The following MTPN variants were observed in gnomAD, a reference collection of about 807,000 sequenced individuals.
MTPN encodes granule cell differentiation protein.
A neutral mutation model predicts 13.5 loss-of-function variants in MTPN; 2 were observed. That is an observed-to-expected ratio of 0.15 (90% CI 0.06 to 0.47). The LOEUF (loss-of-function observed/expected upper bound fraction) is 0.47, where lower values mean the gene tolerates loss of function less well. Among genes scored for constraint, MTPN ranks in the 20% least tolerant of loss-of-function variants. The pLI, the probability that MTPN is intolerant of heterozygous loss-of-function variation, is 0.97. For missense variants in MTPN, 79 were observed against 137.9 expected, an observed-to-expected ratio of 0.57 and a Z score of 2.14; for synonymous variants, 46 against 51.7, an observed-to-expected ratio of 0.89 and a Z score of 0.48.
chr7:135,940,327 T>C (rs190936234), intron 3 of MTPN, among the ~76,000 whole-genome samples: 9 of 152,332 alleles, frequency 5.9e-5, no homozygotes, highest in East Asian at 1.9e-4. Flanking sequence ...TGCAATTTTA[T>C]CTACTGGTGC....
At chr7:135,936,196 T>A (rs956318365) in intron 3 of MTPN, among the ~76,000 whole-genome samples, 2 of 152,204 alleles carry the variant, frequency 1.3e-5, no homozygotes, top group African/African-American at 4.8e-5. Flanking sequence ...ACATGTTTAT[T>A]GATACAGGCC....
chr7:135,961,483 T>A (rs1260553477), intron 1 of MTPN, among the ~76,000 whole-genome samples: 1 of 151,974 alleles, frequency 6.6e-6, no homozygotes, highest in Non-Finnish European at 1.5e-5. Flanking sequence ...AGAGAAACTA[T>A]CTATAGCAAT....
chr7:135,972,601 C>G (rs966154772), intron 1 of MTPN, among the ~76,000 whole-genome samples: 2 of 152,060 alleles, frequency 1.3e-5, no homozygotes, highest in African/African-American at 4.8e-5. Context: ...ATGTTGGAGA[C>G]AGAAAGATGA....
intron 1 of MTPN, among the ~76,000 whole-genome samples, chr7:135,954,826 C>T (rs540062654): frequency 1.3e-5 from 2 of 152,206 alleles, no homozygotes; most frequent in African/African-American, 4.8e-5. Context: ...ACCTGTAGTC[C>T]CAGCTACTTG....
intron 1 of MTPN, among the ~76,000 whole-genome samples, chr7:135,968,963 G>A (rs901860220): frequency 5.9e-5 from 9 of 151,674 alleles, no homozygotes; most frequent in Admixed American, 6.6e-5. Flanking sequence ...TGATAAAGAT[G>A]ATGGTTCAAA....
At position 135,976,975 on chromosome 7, in the gene MTPN, C is replaced by T. The variant is rs147351193; in HGVS notation, c.72+54G>A. The T allele has an allele frequency of 4.9e-5, 74 of 1,500,616 alleles. No individual in the cohort carries two copies. In the East Asian group the frequency reaches 1.7e-3, roughly 34 times the overall value. 93.0% of individuals were successfully genotyped at this position (1,500,616 alleles called of 1,614,324 possible). ...GTCCAGCTCCCATCAGCTTCCTCAGCCTCATCTCCAGCCCACCTCCGTGTT... is the reference window on the plus strand; with the variant it reads ...GTCCAGCTCCCATCAGCTTCCTCAGTCTCATCTCCAGCCCACCTCCGTGTT... On this transcript the variant is annotated intron_variant, in intron 1 of 3. Coordinates refer to ENST00000393085, the MANE Select transcript of MTPN (RefSeq NM_145808.4).
chr7:135,959,476 G>T (rs533164867), intron 1 of MTPN, among the ~76,000 whole-genome samples: 35 of 152,226 alleles, frequency 2.3e-4, no homozygotes, highest in African/African-American at 8.4e-4. Context: ...ACATGGGTGG[G>T]TCAAGACATT....
At chr7:135,945,641 G>A (rs78366376) in intron 3 of MTPN, among the ~76,000 whole-genome samples, 1,906 of 152,140 alleles carry the variant, frequency 0.013, 46 homozygotes, top group African/African-American at 0.044. Context: ...CTGTCAACTC[G>A]TATGATAAAA....
At chr7:135,962,027 A>AAC (rs1799531235) in intron 1 of MTPN, among the ~76,000 whole-genome samples, 1 of 152,064 alleles carries the variant, frequency 6.6e-6, no homozygotes, top group African/African-American at 2.4e-5. Context: ...AGGTAAGGAC[A>AAC]CAGCAGGCAT....
rs1798967604 is a variant in MTPN, at chr7:135,928,754, ACACTTTAT to A, written c.*1164_*1171del. The A allele has an allele frequency of 1.8e-5, 3 of 167,072 alleles. No individual in the cohort carries two copies. 10.3% of individuals were successfully genotyped at this position (167,072 alleles called of 1,614,324 possible). A position where few individuals can be genotyped will look rare whatever the true frequency, so the allele number is the denominator to read the frequency against. On this transcript the variant is annotated 3_prime_UTR_variant, in exon 4 of 4. Transcript: ENST00000393085. ...ACAGAGAATACATTTTGAAGTTGTC[ACACTTTAT>A]GTAATGCATGATTTATAAAAGCAAC... is the stretch of plus-strand genomic sequence containing the variant.
intron 3 of MTPN, among the ~76,000 whole-genome samples, chr7:135,933,046 G>T (rs953992666): frequency 1.5e-5 from 2 of 136,422 alleles, no homozygotes; most frequent in Non-Finnish European, 3.0e-5. Flanking sequence ...GCTGAGATGA[G>T]ATCGTGATGC....
intron 1 of MTPN, among the ~76,000 whole-genome samples, chr7:135,964,130 T>C (rs1387432301): frequency 6.6e-6 from 1 of 151,946 alleles, no homozygotes; most frequent in African/African-American, 2.4e-5. Flanking sequence ...AGATTCTAAT[T>C]CATGGCTCCA....
At chr7:135,940,976 A>C (rs953208522) in intron 3 of MTPN, among the ~76,000 whole-genome samples, 2 of 152,212 alleles carry the variant, frequency 1.3e-5, no homozygotes, top group Non-Finnish European at 2.9e-5. Flanking sequence ...ATTCATTTAC[A>C]TGTTGCTTAT....
intron 3 of MTPN, among the ~76,000 whole-genome samples, chr7:135,930,359 AAAAGTAAATCACTTTGCT>A (rs1299278048): frequency 2.0e-5 from 3 of 152,352 alleles, no homozygotes; most frequent in Non-Finnish European, 1.5e-5. Flanking sequence ...GAAACGGGGA[AAAAGTAAATCACTTTGCT>A]AAAGTATTCC....
At chr7:135,939,213 C>T (rs1443281348) in intron 3 of MTPN, among the ~76,000 whole-genome samples, 6 of 152,070 alleles carry the variant, frequency 3.9e-5, no homozygotes, top group Middle Eastern at 3.2e-3. Context: ...CTTCGAAAAA[C>T]GTAAAGCATC....
intron 3 of MTPN, among the ~76,000 whole-genome samples, chr7:135,941,111 A>G (rs567274487): frequency 6.6e-6 from 1 of 152,330 alleles, no homozygotes; most frequent in African/African-American, 2.4e-5. Context: ...CCTTAATAGA[A>G]AATGTTTGTT....
At chr7:135,954,501 GC>G (rs1040784194) in intron 1 of MTPN, among the ~76,000 whole-genome samples, 2 of 152,150 alleles carry the variant, frequency 1.3e-5, no homozygotes, top group Admixed American at 6.5e-5. Context: ...AAATTAGTTT[GC>G]CCCCCATTAT....
At chr7:135,954,252 T>C (rs1394554455) in intron 1 of MTPN, among the ~76,000 whole-genome samples, 1 of 152,242 alleles carries the variant, frequency 6.6e-6, no homozygotes, top group African/African-American at 2.4e-5. Flanking sequence ...AAAGGTTCAC[T>C]ATTATTTTTG....
Position 135,927,113 on chromosome 7 carries a change from A to T in MTPN, c.*2813T>A, listed in dbSNP as rs1250450887. On this transcript the variant is annotated 3_prime_UTR_variant, in exon 4 of 4. Coordinates refer to ENST00000393085, the MANE Select transcript of MTPN (RefSeq NM_145808.4). ...GAGTATACAATATTGCATGGAAGAA[A>T]ACAGCAGCTCAACTGAAATATTAGA... 4.0e-6 allele frequency: 2 copies of T among 503,084 alleles called. No individual in the cohort carries two copies. The highest frequency in any genetic ancestry group is 3.9e-5 in the African/African-American group (2 of 50,846). 31.2% of individuals were successfully genotyped at this position (503,084 alleles called of 1,614,324 possible).
Sources: allele counts gnomAD v4.1 joint callset (sites outside exome capture counted in the v4.1 genomes callset), GRCh38; gene constraint gnomAD v4.1.1; transcripts MANE v1.5; gene names NCBI Gene and HGNC (gene_info 2026-07-23, HGNC 2026-07-21).